DLGAP2: variants seen among roughly 807,000 people sequenced by gnomAD.
DLGAP2 encodes the protein DLG associated protein 2, also known as disks large-associated protein 2.
DLGAP2 carries 26 observed loss-of-function variants against 100.3 expected under a neutral mutation model. That is an observed-to-expected ratio of 0.26 (90% CI 0.19 to 0.36). The LOEUF (loss-of-function observed/expected upper bound fraction) is 0.36, where lower values mean the gene tolerates loss of function less well. Ranked by LOEUF, DLGAP2 falls within the 10% of genes least tolerant of loss-of-function variation. The pLI is 1.00. For missense variants in DLGAP2, 1,858 were observed against 1,453.2 expected (o/e 1.28, Z -4.53); for synonymous variants, 886 against 630.1 (o/e 1.41, Z -6.08).
intron 1 of DLGAP2, among the ~76,000 whole-genome samples, chr8:868,138 A>G (rs920661836): frequency 1.3e-5 from 2 of 152,208 alleles, no homozygotes; most frequent in African/African-American, 4.8e-5. Context: ...ATTTATATTT[A>G]AGGAGTGTAA....
rs181379704 is a variant in DLGAP2 at position 769,973 on chromosome 8, G to T, written c.18+32148G>T. On this transcript the variant is annotated intron_variant, in intron 1 of 14. Transcript: ENST00000637795. ...GTCACTTGTGCAGCTCTACACAGGA[G>T]GGTTTTCTTCCTGTTCACAATTATG... Among the ~76,000 whole-genome samples the T allele has an allele frequency of 4.9e-3, 739 of 152,238 alleles. 5 individuals carry two copies. The highest frequency in any genetic ancestry group is 0.011 in the Admixed American group (164 of 15,284).
intron 1 of DLGAP2, among the ~76,000 whole-genome samples, chr8:895,733 G>A (rs1192192031): frequency 3.3e-5 from 5 of 152,186 alleles, no homozygotes; most frequent in Non-Finnish European, 7.3e-5. Context: ...GTCAGGCTGC[G>A]GGAGGATGGT....
chr8:1,547,034 C>T (rs1036777929), intron 4 of DLGAP2, among the ~76,000 whole-genome samples: 4 of 152,044 alleles, frequency 2.6e-5, no homozygotes, highest in African/African-American at 7.2e-5. Context: ...GGTGTGGAGC[C>T]GGGTCTTGGA....
chr8:1,437,128 A>G (rs2040986), intron 3 of DLGAP2, among the ~76,000 whole-genome samples: 7,438 of 82,766 alleles, frequency 0.09, 756 homozygotes, highest in East Asian at 0.31. Context: ...CAGGCGCGTA[A>G]GGGTGACGCC....
At chr8:1,127,399 C>G (rs1439441282) in intron 2 of DLGAP2, among the ~76,000 whole-genome samples, 1 of 152,066 alleles carries the variant, frequency 6.6e-6, no homozygotes, top group Non-Finnish European at 1.5e-5. Context: ...GAGGCCCATT[C>G]ACGTGTAGAG....
intron 3 of DLGAP2, among the ~76,000 whole-genome samples, chr8:1,294,979 A>G (rs190443235): frequency 5.3e-5 from 8 of 152,300 alleles, no homozygotes; most frequent in African/African-American, 1.7e-4. Context: ...AGATATTTAA[A>G]CTTCACTTGA....
At chr8:897,007 T>A (rs1798154897) in intron 1 of DLGAP2, among the ~76,000 whole-genome samples, 1 of 152,168 alleles carries the variant, frequency 6.6e-6, no homozygotes, top group South Asian at 2.1e-4. Flanking sequence ...GAATGACTGT[T>A]CTTGCCTCAG....
At chr8:1,077,423 G>C (rs1803657395) in intron 2 of DLGAP2, among the ~76,000 whole-genome samples, 1 of 152,316 alleles carries the variant, frequency 6.6e-6, no homozygotes, top group Non-Finnish European at 1.5e-5. Context: ...AGGGGCGGTG[G>C]TGATGTCAGG....
chr8:1,017,654 C>CTG (rs533890477), intron 2 of DLGAP2, among the ~76,000 whole-genome samples: 211 of 152,094 alleles, frequency 1.4e-3, no homozygotes, highest in African/African-American at 4.5e-3. Context: ...GACACCTCCA[C>CTG]TGTGTGTGAC....
At chr8:1,652,826 C>T (rs1437152739) in intron 8 of DLGAP2, among the ~76,000 whole-genome samples, 1 of 152,114 alleles carries the variant, frequency 6.6e-6, no homozygotes, top group East Asian at 1.9e-4. Context: ...ATGTTATGAG[C>T]AGTTTCTGAA....
chr8:1,242,270 G>C (rs1423827061), intron 2 of DLGAP2, among the ~76,000 whole-genome samples: 1 of 152,166 alleles, frequency 6.6e-6, no homozygotes, highest in Non-Finnish European at 1.5e-5. Context: ...GGGGAAAGGG[G>C]TTGGTTGTCA....
At chr8:1,495,856 G>A (rs1169041062) in intron 3 of DLGAP2, among the ~76,000 whole-genome samples, 4 of 152,184 alleles carry the variant, frequency 2.6e-5, no homozygotes, top group Non-Finnish European at 4.4e-5. Flanking sequence ...TAAATAGCGC[G>A]TGTCCATCTG....
chr8:852,663 G>C (rs1340029150), intron 1 of DLGAP2, among the ~76,000 whole-genome samples: 1 of 152,168 alleles, frequency 6.6e-6, no homozygotes. Flanking sequence ...TACTGATTAT[G>C]TTCGCAGATG....
chr8:1,149,736 G>C (rs547027460), intron 2 of DLGAP2, among the ~76,000 whole-genome samples: 1 of 151,898 alleles, frequency 6.6e-6, no homozygotes, highest in South Asian at 2.1e-4. Context: ...TATATTCTTT[G>C]TTCTCCCTTT....
intron 2 of DLGAP2, among the ~76,000 whole-genome samples, chr8:1,007,304 A>G (rs1005462236): frequency 6.6e-6 from 1 of 152,208 alleles, no homozygotes; most frequent in Non-Finnish European, 1.5e-5. Flanking sequence ...GGTTTGCTGG[A>G]GGACCTGGCC....
chr8:1,626,361 A>G (rs377014842), intron 6 of DLGAP2, among the ~76,000 whole-genome samples: 73 of 50,838 alleles, frequency 1.4e-3, no homozygotes, highest in African/African-American at 1.6e-3. Flanking sequence ...ACCCTGCAGC[A>G]GGTGCTCAGC....
rs7016018 is a variant in DLGAP2 at position 1,374,315 on chromosome 8, C to G, written c.106+115432C>G. Among the ~76,000 whole-genome samples the G allele has an allele frequency of 8.9e-3, 1,361 of 152,242 alleles. 29 individuals carry two copies. Among genetic ancestry groups the G allele is most frequent in the African/African-American group, 0.032 (1,314 of 41,518 alleles). On this transcript the variant is annotated intron_variant, in intron 3 of 14. Coordinates refer to ENST00000637795, the MANE Select transcript of DLGAP2 (RefSeq NM_001346810.2). Reference sequence around the variant, plus strand: ...GAGGTGGGGCCTTCTCCCTGCCCCACGGTGGTCCCATGCAGCCCGCAAAAC... The same window carrying G: ...GAGGTGGGGCCTTCTCCCTGCCCCAGGGTGGTCCCATGCAGCCCGCAAAAC...
intron 6 of DLGAP2, among the ~76,000 whole-genome samples, chr8:1,580,468 A>G (rs1212661950): frequency 6.6e-6 from 1 of 152,252 alleles, no homozygotes; most frequent in Non-Finnish European, 1.5e-5. Flanking sequence ...AGAAAAGAGC[A>G]TCCGAGAGCT....
intron 3 of DLGAP2, among the ~76,000 whole-genome samples, chr8:1,334,281 C>T (rs1457651843): frequency 6.6e-6 from 1 of 152,182 alleles, no homozygotes; most frequent in African/African-American, 2.4e-5. Context: ...CATTTGCCAC[C>T]CCATGCAGCC....
Sources: gnomAD v4.1 joint callset for allele counts (sites outside exome capture counted in the v4.1 genomes callset) on GRCh38, gnomAD v4.1.1 for gene constraint, MANE v1.5 for transcripts, NCBI Gene and HGNC (gene_info 2026-07-23, HGNC 2026-07-21) for gene names.